Variants in TTC7B observed in about 807,000 individuals in gnomAD.
TTC7B encodes the protein tetratricopeptide repeat protein 7B.
In TTC7B, 28 loss-of-function variants were observed where a neutral mutation model predicts 106.8. The ratio of observed to expected loss-of-function variants is 0.26; its 90% CI spans 0.19 to 0.36. TTC7B has a LOEUF of 0.36. Ranked by LOEUF, TTC7B falls within the 10% of genes least tolerant of loss-of-function variation. TTC7B has a pLI of 1.00. For synonymous variants in TTC7B, 405 were observed against 430.6 expected (o/e 0.94, Z 0.74); for missense variants, 862 against 1,076.4 (o/e 0.80, Z 2.79).
chr14:90,690,500 G>T (rs1049781623), intron 6 of TTC7B, among the ~76,000 whole-genome samples: 4 of 152,156 alleles, frequency 2.6e-5, no homozygotes, highest in Non-Finnish European at 5.9e-5. Context: ...ATGTATGGGG[G>T]AAAAGAATGT....
At chr14:90,653,658 C>G (rs1368464729) in intron 12 of TTC7B, among the ~76,000 whole-genome samples, 1 of 152,198 alleles carries the variant, frequency 6.6e-6, no homozygotes, top group Non-Finnish European at 1.5e-5. Flanking sequence ...AGGCCATTAC[C>G]TAACGCCTCC....
intron 3 of TTC7B, among the ~76,000 whole-genome samples, chr14:90,777,230 A>C (rs1891060479): frequency 6.6e-6 from 1 of 151,828 alleles, no homozygotes; most frequent in African/African-American, 2.4e-5. Context: ...ATAGAGCGAG[A>C]CTCCGTTTTT....
At chr14:90,725,692 G>A (rs1033149610) in intron 5 of TTC7B, among the ~76,000 whole-genome samples, 8 of 152,104 alleles carry the variant, frequency 5.3e-5, no homozygotes, top group African/African-American at 9.7e-5. Flanking sequence ...TGCAGCACTC[G>A]GTGATGTAAC....
At position 90,537,453 on chromosome 14, in the gene TTC7B, A is replaced by C. The variant is rs574046771; in HGVS notation, c.*3915T>G. The C allele has an allele frequency of 2.0e-5, 3 of 151,468 alleles. No homozygotes were observed. The South Asian group carries it at 6.2e-4, about 32-fold the overall frequency. 9.4% of individuals were successfully genotyped at this position (151,468 alleles called of 1,614,324 possible). A position where few individuals can be genotyped will look rare whatever the true frequency, so the allele number is the denominator to read the frequency against. ...TGATTCTCCTGCCTCAGCCTCCCTA[A>C]GTGCTGGGATTACAGGCAGGAGCCA... On this transcript the variant is annotated 3_prime_UTR_variant, in exon 20 of 20. Coordinates refer to ENST00000328459, the MANE Select transcript of TTC7B (RefSeq NM_001010854.2).
rs1165403624 is a variant in TTC7B, at chr14:90,624,746, C to G, written c.1752-6701G>C. On this transcript the variant is annotated intron_variant, in intron 15 of 19. Coordinates refer to ENST00000328459, the MANE Select transcript of TTC7B (RefSeq NM_001010854.2). This position sits in a 1 kb window ranked among gnomAD's most constrained non-coding sequence, Gnocchi z 4.0. ...CAAGGAAGAAACACACATATTAATACACAAAACCTTCACTAATTAGGTGAT... is the reference window on the plus strand; with the variant it reads ...CAAGGAAGAAACACACATATTAATAGACAAAACCTTCACTAATTAGGTGAT... Among the ~76,000 whole-genome samples, 1 of 152,226 alleles carries G rather than the reference C, an allele frequency of 6.6e-6. No homozygotes were observed. Among genetic ancestry groups the G allele is most frequent in the African/African-American group, 2.4e-5 (1 of 41,456 alleles).
At position 90,811,563 on chromosome 14, in the gene TTC7B, G is replaced by C. The variant is rs28681416; in HGVS notation, c.121+4612C>G. ...ACCCTGCACCCTCCACCAAGGGGAA[G>C]CCACATCACTGTGGATGCCCGTGCT... On this transcript the variant is annotated intron_variant, in intron 1 of 19. Transcript: ENST00000328459. Among the ~76,000 whole-genome samples, 1,338 of 152,322 alleles carry C rather than the reference G, an allele frequency of 8.8e-3. 22 individuals are homozygous for C. Among genetic ancestry groups the C allele is most frequent in the African/African-American group, 0.03 (1,261 of 41,568 alleles).
intron 1 of TTC7B, among the ~76,000 whole-genome samples, chr14:90,789,445 G>A (rs1053076497): frequency 3.9e-5 from 6 of 152,154 alleles, no homozygotes; most frequent in African/African-American, 1.4e-4. Flanking sequence ...AAAGAAGGCA[G>A]GGCTCGGTGG....
chr14:90,607,458 G>A (rs1225828655), intron 17 of TTC7B, among the ~76,000 whole-genome samples: 1 of 152,226 alleles, frequency 6.6e-6, no homozygotes, highest in African/African-American at 2.4e-5. Flanking sequence ...CACCCGCCAG[G>A]GCTGGGTTCT....
intron 5 of TTC7B, among the ~76,000 whole-genome samples, chr14:90,711,453 G>C (rs148923257): frequency 6.6e-6 from 1 of 152,110 alleles, no homozygotes; most frequent in Admixed American, 6.5e-5. Flanking sequence ...ATGGAGTCTC[G>C]CTCTGTTGCC....
At chr14:90,601,792 C>A (rs1892435226) in intron 17 of TTC7B, among the ~76,000 whole-genome samples, 1 of 152,162 alleles carries the variant, frequency 6.6e-6, no homozygotes, top group African/African-American at 2.4e-5. Flanking sequence ...ACCTGACTCG[C>A]CCTTAAAACC....
intron 13 of TTC7B, among the ~76,000 whole-genome samples, chr14:90,651,562 G>T (rs928234869): frequency 6.6e-6 from 1 of 152,224 alleles, no homozygotes; most frequent in Non-Finnish European, 1.5e-5. Context: ...AAGCATCCAT[G>T]TGTGGGTTTT....
intron 19 of TTC7B, among the ~76,000 whole-genome samples, chr14:90,552,230 C>A (rs1215074388): frequency 6.6e-6 from 1 of 152,244 alleles, no homozygotes; most frequent in Non-Finnish European, 1.5e-5. Flanking sequence ...CACGCTGCCA[C>A]TCACTCAGCC....
At chr14:90,652,981 T>C in intron 12 of TTC7B, 83 bp from the exon 13 acceptor site, 1 of 1,391,088 alleles carries the variant, frequency 7.2e-7, no homozygotes. Context: ...AACCTGTACA[T>C]TCAACTGGAT....
chr14:90,771,468 C>T (rs1350358389), intron 3 of TTC7B, among the ~76,000 whole-genome samples: 1 of 152,116 alleles, frequency 6.6e-6, no homozygotes, highest in African/African-American at 2.4e-5. Context: ...GTGGCACATG[C>T]CTGTAGCCTC....
In TTC7B at chr14:90,657,928, T is replaced by A; in HGVS notation, c.1236+376A>T. 4.1e-6 allele frequency: 1 copy of A among 245,810 alleles called. No individual in the cohort carries two copies. The highest frequency in any genetic ancestry group is 8.1e-6 in the Non-Finnish European group (1 of 123,828). 15.2% of individuals were successfully genotyped at this position (245,810 alleles called of 1,614,324 possible). ...CCTCAGCCCACATTTTCATCCAGTA[T>A]CATGCACTGCCTAATATAACACATT... On this transcript the variant is annotated intron_variant, in intron 10 of 19. Transcript: ENST00000328459. This position sits in a 1 kb window ranked among gnomAD's most constrained non-coding sequence, Gnocchi z 4.2.
intron 15 of TTC7B, among the ~76,000 whole-genome samples, chr14:90,625,132 C>A (rs181500889): frequency 5.9e-4 from 90 of 152,186 alleles, no homozygotes; most frequent in African/African-American, 2.0e-3. Flanking sequence ...GGGCAGGGGG[C>A]AAGTATGTTG....
chr14:90,584,517 T>C (rs1252713556), intron 18 of TTC7B, among the ~76,000 whole-genome samples: 1 of 152,140 alleles, frequency 6.6e-6, no homozygotes, highest in Non-Finnish European at 1.5e-5. Flanking sequence ...CCTTTCCTTC[T>C]CACAAAGTTG....
chr14:90,582,911 A>G (rs1412432361), intron 18 of TTC7B, among the ~76,000 whole-genome samples: 1 of 152,234 alleles, frequency 6.6e-6, no homozygotes. Context: ...TGGAGATAAA[A>G]AGGAAAGGAT....
chr14:90,651,504 G>T (rs1342216986), intron 13 of TTC7B, among the ~76,000 whole-genome samples: 1 of 152,258 alleles, frequency 6.6e-6, no homozygotes, highest in African/African-American at 2.4e-5. Flanking sequence ...GAGCCAGTAA[G>T]ATGTGCTGAT....
Sources: gnomAD v4.1 joint callset for allele counts (sites outside exome capture counted in the v4.1 genomes callset) on GRCh38, gnomAD v4.1.1 for gene constraint, Gnocchi (gnomAD v3.1) non-coding constraint, MANE v1.5 for transcripts, NCBI Gene and HGNC (gene_info 2026-07-23, HGNC 2026-07-21) for gene names.